The following PHF20 variants were observed in gnomAD, a reference collection of about 807,000 sequenced individuals.
PHF20 encodes glioma-expressed antigen 2.
Under a neutral mutation model 113.5 loss-of-function variants are expected in PHF20, and 23 were observed. The observed-to-expected ratio is 0.20, with a 90% CI of 0.15 to 0.29. PHF20 has a LOEUF of 0.29. Among genes scored for constraint, PHF20 ranks in the 10% least tolerant of loss-of-function variants. The pLI, the probability that PHF20 is intolerant of heterozygous loss-of-function variation, is 1.00. For synonymous variants in PHF20, 434 were observed against 457.3 expected (o/e 0.95, Z 0.65); for missense variants, 943 against 1,219.6 (o/e 0.77, Z 3.38).
intron 4 of PHF20, chr20:35,853,486 G>A (rs1272448688): frequency 6.6e-6 from 1 of 152,222 alleles, no homozygotes; most frequent in African/African-American, 2.4e-5. Context: ...GCACACATCT[G>A]TAATTCCAGT....
intron 5 of PHF20, among the ~76,000 whole-genome samples, chr20:35,858,948 T>TGAAA: frequency 6.6e-6 from 1 of 152,328 alleles, no homozygotes; most frequent in East Asian, 1.9e-4. Context: ...TCTGTTCTCC[T>TGAAA]AATCTTTTTT....
Position 35,911,653 on chromosome 20 carries a change from G to T in PHF20, c.1562-1596G>T, listed in dbSNP as rs1045620657. ...TTTGGTAAGAGAAGAAGAAACGACT[G>T]GATTTTTTTGTTTGTTTGTTTTGGA... On this transcript the variant is annotated intron_variant, in intron 10 of 17. Transcript: ENST00000374012. Among the ~76,000 whole-genome samples, 5 of 152,018 alleles carry T rather than the reference G, an allele frequency of 3.3e-5. No individual in the cohort carries two copies. The East Asian group carries it at 9.7e-4, about 29-fold the overall frequency.
chr20:35,938,342 T>C (rs2055906522), intron 15 of PHF20, among the ~76,000 whole-genome samples: 1 of 152,072 alleles, frequency 6.6e-6, no homozygotes, highest in African/African-American at 2.4e-5. Flanking sequence ...GGGCTTAGAA[T>C]TTTATTTTTG....
intron 5 of PHF20, among the ~76,000 whole-genome samples, chr20:35,860,234 G>T (rs940045757): frequency 1.4e-5 from 2 of 145,574 alleles, no homozygotes; most frequent in East Asian, 2.0e-4. Context: ...AAGTTTCTAA[G>T]AAATTTTTTT....
rs978390189 is a variant in PHF20 at position 35,871,606 on chromosome 20, T to G, written c.1103-44T>G. 9 of 1,499,064 alleles carry G rather than the reference T, an allele frequency of 6.0e-6. No homozygotes were observed. The Admixed American group carries it at 8.8e-5, about 15-fold the overall frequency. The allele number at this position is 1,499,064 out of a possible 1,614,324, so 92.9% of individuals were successfully genotyped here. A position where few individuals can be genotyped will look rare whatever the true frequency, so the allele number is the denominator to read the frequency against. On this transcript the variant is annotated intron_variant, in intron 8 of 17. Transcript: ENST00000374012. ...GTTGTAGGACTTTTGATTTCAGAAT[T>G]ACATACATGTATATTTCCCCCAAAC...
intron 9 of PHF20, among the ~76,000 whole-genome samples, chr20:35,880,968 C>G (rs1483360537): frequency 6.9e-6 from 1 of 145,156 alleles, no homozygotes; most frequent in African/African-American, 2.6e-5. Context: ...TCAAAGAAAA[C>G]AAAAATTAAA....
At position 35,941,125 on chromosome 20, in the gene PHF20, A is replaced by C. The variant is rs2055970828; in HGVS notation, c.2896+78A>C. 2 of 1,213,770 alleles carry C rather than the reference A, an allele frequency of 1.6e-6. 1 individual carries two copies. The highest frequency in any genetic ancestry group is 4.4e-5 in the Admixed American group (2 of 45,716). The allele number at this position is 1,213,770 out of a possible 1,614,324, so 75.2% of individuals were successfully genotyped here. A position where few individuals can be genotyped will look rare whatever the true frequency, so the allele number is the denominator to read the frequency against. ...AGACGAGCTGCTTTCTGAACCCCCC[A>C]GTCTGAGTTTACAGGGACCGCTGTA... On this transcript the variant is annotated intron_variant, in intron 17 of 17. Coordinates refer to ENST00000374012, the MANE Select transcript of PHF20 (RefSeq NM_016436.5).
At chr20:35,827,784 G>GAA (rs568505287) in intron 2 of PHF20, among the ~76,000 whole-genome samples, 20 of 70,808 alleles carry the variant, frequency 2.8e-4, no homozygotes, top group Admixed American at 8.4e-4. Context: ...CTCCATCTCA[G>GAA]AAAAAAAAAA....
chr20:35,829,577 C>G (rs1424509054), intron 2 of PHF20, among the ~76,000 whole-genome samples: 1 of 150,442 alleles, frequency 6.6e-6, no homozygotes, highest in African/African-American at 2.5e-5. Context: ...AAACTCCTCA[C>G]CTTTGGTGAT....
At chr20:35,867,896 A>G (rs967567339) in intron 6 of PHF20, among the ~76,000 whole-genome samples, 1 of 150,812 alleles carries the variant, frequency 6.6e-6, no homozygotes, top group Non-Finnish European at 1.5e-5. Context: ...GAGACCCCTT[A>G]GCTCTGCCTT....
intron 12 of PHF20, among the ~76,000 whole-genome samples, chr20:35,916,836 A>C (rs993066061): frequency 6.6e-6 from 1 of 152,066 alleles, no homozygotes; most frequent in Non-Finnish European, 1.5e-5. Flanking sequence ...ATCATAGCTC[A>C]CTGCAGCCTC....
At chr20:35,776,568 T>C (rs997078731) in intron 1 of PHF20, among the ~76,000 whole-genome samples, 3 of 152,234 alleles carry the variant, frequency 2.0e-5, no homozygotes, top group Admixed American at 2.0e-4. Context: ...GTTTTTCCTT[T>C]CTAAGTGTGT....
chr20:35,842,436 C>T, intron 2 of PHF20, 137 bp from the exon 3 acceptor site: 2 of 678,172 alleles, frequency 2.9e-6, no homozygotes, highest in South Asian at 2.0e-5. Context: ...GTGATTTGAC[C>T]CAACTACACA....
intron 2 of PHF20, among the ~76,000 whole-genome samples, chr20:35,835,622 G>C (rs1421395655): frequency 3.3e-5 from 5 of 151,880 alleles, no homozygotes; most frequent in Non-Finnish European, 7.4e-5. Context: ...AAATCTATCA[G>C]TTCATTATAT....
chr20:35,874,738 TA>T (rs1292775316), intron 9 of PHF20, among the ~76,000 whole-genome samples: 1 of 152,094 alleles, frequency 6.6e-6, no homozygotes, highest in Non-Finnish European at 1.5e-5. Flanking sequence ...TTGGATAACT[TA>T]AAAAATTTTT....
chr20:35,896,200 A>G (rs1447494349), intron 9 of PHF20, among the ~76,000 whole-genome samples: 1 of 151,908 alleles, frequency 6.6e-6, no homozygotes, highest in African/African-American at 2.4e-5. Context: ...TATAATTTAG[A>G]TCAAATTTAA....
At chr20:35,908,251 G>A (rs188595496) in intron 10 of PHF20, among the ~76,000 whole-genome samples, 90 of 152,300 alleles carry the variant, frequency 5.9e-4, no homozygotes, top group African/African-American at 2.0e-3. Context: ...TTGTCACCTT[G>A]TCTACTCCTG....
intron 10 of PHF20, among the ~76,000 whole-genome samples, chr20:35,900,858 A>C (rs1266305617): frequency 6.6e-6 from 1 of 152,178 alleles, no homozygotes; most frequent in East Asian, 1.9e-4. Context: ...CAAATAAGCT[A>C]GCATAAACTC....
intron 10 of PHF20, 104 bp from the exon 11 acceptor site, chr20:35,913,145 C>T: frequency 1.5e-6 from 1 of 656,564 alleles, no homozygotes; most frequent in Non-Finnish European, 2.6e-6. Flanking sequence ...TCCAGACTTC[C>T]CAGGCAGAGC....
Sources: allele counts gnomAD v4.1 joint callset (sites outside exome capture counted in the v4.1 genomes callset), GRCh38; gene constraint gnomAD v4.1.1; transcripts MANE v1.5; gene names NCBI Gene and HGNC (gene_info 2026-07-23, HGNC 2026-07-21).